The following ZBTB7C variants were observed in gnomAD, a reference collection of about 807,000 sequenced individuals.
ZBTB7C encodes zinc finger and BTB domain-containing protein 7C.
A neutral mutation model predicts 25.7 loss-of-function variants in ZBTB7C; 8 were observed. That is an observed-to-expected ratio of 0.31 (90% CI 0.18 to 0.56). ZBTB7C has a LOEUF of 0.56. ZBTB7C is among the 20% of genes least tolerant of loss of function. The pLI is 0.91. For synonymous variants in ZBTB7C, 394 were observed against 369.0 expected, an observed-to-expected ratio of 1.07 and a Z score of -0.78; for missense variants, 824 against 855.2, an observed-to-expected ratio of 0.96 and a Z score of 0.46.
chr18:48,224,553 G>C (rs76657832), intron 2 of ZBTB7C, among the ~76,000 whole-genome samples: 8,665 of 152,216 alleles, frequency 0.057, 426 homozygotes, highest in African/African-American at 0.13. Context: ...GGGCATCCCT[G>C]TCCTTCATTA....
intron 4 of ZBTB7C, among the ~76,000 whole-genome samples, chr18:48,037,486 A>G (rs2036024395): frequency 6.6e-6 from 1 of 152,254 alleles, no homozygotes; most frequent in South Asian, 2.1e-4. Context: ...CCCAGGGTCC[A>G]GAGGGTGAGA....
chr18:48,247,620 T>C (rs1367293565), intron 2 of ZBTB7C, among the ~76,000 whole-genome samples: 1 of 152,216 alleles, frequency 6.6e-6, no homozygotes, highest in African/African-American at 2.4e-5. Flanking sequence ...AACACATGGC[T>C]TTCCCTGTTT....
chr18:48,311,664 G>A (rs1389644730), intron 2 of ZBTB7C, among the ~76,000 whole-genome samples: 1 of 152,180 alleles, frequency 6.6e-6, no homozygotes, highest in Non-Finnish European at 1.5e-5. Context: ...CTCACACTAA[G>A]ATACATCTGA....
At chr18:48,306,957 G>T (rs891836367) in intron 2 of ZBTB7C, among the ~76,000 whole-genome samples, 1 of 152,078 alleles carries the variant, frequency 6.6e-6, no homozygotes, top group Admixed American at 6.5e-5. Context: ...GAGCAGGCCC[G>T]GCAAGAGACG....
chr18:48,084,454 T>C (rs1253801039), intron 3 of ZBTB7C, among the ~76,000 whole-genome samples: 1 of 152,216 alleles, frequency 6.6e-6, no homozygotes, highest in African/African-American at 2.4e-5. Context: ...TGGCGGCAGG[T>C]GGCTCTTGAG....
intron 2 of ZBTB7C, among the ~76,000 whole-genome samples, chr18:48,277,393 A>G (rs574748327): frequency 1.3e-5 from 2 of 151,968 alleles, no homozygotes; most frequent in East Asian, 3.9e-4. Flanking sequence ...AACACATGAA[A>G]AAATGCTCAT....
At chr18:48,395,265 A>ATGTGTGTGTGTGTGTG in intron 1 of ZBTB7C, among the ~76,000 whole-genome samples, 1 of 103,624 alleles carries the variant, frequency 9.7e-6, no homozygotes, top group African/African-American at 3.9e-5. Context: ...GAGAGAGAGA[A>ATGTGTGTGTGTGTGTG]TGTGTGTGTG....
rs540348035 is a variant in ZBTB7C, at chr18:48,366,743, A to G, written c.-303-28345T>C. On this transcript the variant is annotated intron_variant, in intron 1 of 4. Transcript: ENST00000590800. ...AGAAATTAAGACTACAAGAAGATCCAGTTTTCATATATCAGGTTGGCAAAT... is the reference window on the plus strand; with the variant it reads ...AGAAATTAAGACTACAAGAAGATCCGGTTTTCATATATCAGGTTGGCAAAT... Among the ~76,000 whole-genome samples the G allele has an allele frequency of 9.2e-5, 14 of 152,364 alleles. No homozygotes were observed. The East Asian group carries it at 2.7e-3, about 29-fold the overall frequency.
intron 2 of ZBTB7C, among the ~76,000 whole-genome samples, chr18:48,188,507 C>G (rs537332424): frequency 1.3e-5 from 2 of 152,288 alleles, no homozygotes; most frequent in East Asian, 3.9e-4. Flanking sequence ...CCCACAGAAT[C>G]TGGGAATTAT....
intron 2 of ZBTB7C, among the ~76,000 whole-genome samples, chr18:48,269,955 G>A (rs944654476): frequency 2.6e-5 from 4 of 152,150 alleles, no homozygotes; most frequent in African/African-American, 9.7e-5. Context: ...GCCAGCTAAT[G>A]TTGTTACAAC....
intron 3 of ZBTB7C, chr18:48,165,293 T>G: frequency 2.2e-6 from 1 of 465,090 alleles, no homozygotes; most frequent in Non-Finnish European, 4.2e-6. Context: ...CAGTTCCTCA[T>G]GCATTCGAAT....
intron 3 of ZBTB7C, among the ~76,000 whole-genome samples, chr18:48,046,165 A>C (rs1012535976): frequency 2.6e-5 from 4 of 152,212 alleles, no homozygotes; most frequent in African/African-American, 9.6e-5. Context: ...AAGCCACTAC[A>C]TTTTTGTGTT....
chr18:48,342,729 A>G (rs1598911786), intron 1 of ZBTB7C, among the ~76,000 whole-genome samples: 1 of 151,892 alleles, frequency 6.6e-6, no homozygotes, highest in South Asian at 2.1e-4. Context: ...ATCCTACACA[A>G]CCCAACGGCT....
intron 3 of ZBTB7C, among the ~76,000 whole-genome samples, chr18:48,103,432 T>C (rs1211903694): frequency 6.6e-6 from 1 of 152,068 alleles, no homozygotes; most frequent in Admixed American, 6.6e-5. Flanking sequence ...GACGGAGGCA[T>C]AGGAGGGAGT....
At chr18:48,389,216 CTCTCTCTCTCTCTCTCTCTCGTGTGT>C (rs1599020303) in intron 1 of ZBTB7C, among the ~76,000 whole-genome samples, 1 of 126,696 alleles carries the variant, frequency 7.9e-6, no homozygotes, top group Non-Finnish European at 1.6e-5. Context: ...CTCTCTCTCT[CTCTCTCTCTCTCTCTCTCTCGTGTGT>C]GTGTGTGTGT....
intron 2 of ZBTB7C, among the ~76,000 whole-genome samples, chr18:48,197,167 T>C (rs1377298090): frequency 3.3e-5 from 5 of 152,106 alleles, no homozygotes; most frequent in Non-Finnish European, 7.4e-5. Context: ...TTTGTTACCA[T>C]AAGAAGTCCA....
chr18:48,028,891 T>G lies in ZBTB7C; in HGVS notation c.*369A>C, dbSNP rs368499238. The G allele has an allele frequency of 3.1e-5, 8 of 256,666 alleles. No homozygotes were observed. In the South Asian group the frequency reaches 4.7e-4, roughly 15 times the overall value. 15.9% of individuals were successfully genotyped at this position (256,666 alleles called of 1,614,324 possible). A position where few individuals can be genotyped will look rare whatever the true frequency, so the allele number is the denominator to read the frequency against. ...TGCATGCCCAGCCCCTACCTCCTCC[T>G]GCTGTGGCTGGCTGGGCACCAGGCC... On this transcript the variant is annotated 3_prime_UTR_variant, in exon 5 of 5. Coordinates refer to ENST00000590800, the MANE Select transcript of ZBTB7C (RefSeq NM_001318841.2).
chr18:48,369,884 A>G lies in ZBTB7C; in HGVS notation c.-303-31486T>C, dbSNP rs111744717. On this transcript the variant is annotated intron_variant, in intron 1 of 4. Transcript: ENST00000590800. ...TACAGAATAACCCAACAACACCATCAACCAATAGAATCTAATCAACATTTA... is the reference window on the plus strand; with the variant it reads ...TACAGAATAACCCAACAACACCATCGACCAATAGAATCTAATCAACATTTA... Among the ~76,000 whole-genome samples the G allele has an allele frequency of 4.7e-3, 717 of 152,308 alleles. 5 individuals carry two copies. The highest frequency in any genetic ancestry group is 0.029 in the South Asian group (139 of 4,824).
chr18:48,201,969 C>T (rs10401095), intron 2 of ZBTB7C, among the ~76,000 whole-genome samples: 33,627 of 152,202 alleles, frequency 0.22, 4,083 homozygotes, highest in South Asian at 0.36. Flanking sequence ...ACCAGCCTGT[C>T]TTCTTCCTTT....
Sources: gnomAD v4.1 joint callset for allele counts (sites outside exome capture counted in the v4.1 genomes callset) on GRCh38, gnomAD v4.1.1 for gene constraint, MANE v1.5 for transcripts, NCBI Gene and HGNC (gene_info 2026-07-23, HGNC 2026-07-21) for gene names.